The following MYO7B variants were observed in gnomAD, a reference collection of about 807,000 sequenced individuals.
MYO7B encodes myosin VIIB.
MYO7B carries 212 observed loss-of-function variants against 259.7 expected under a neutral mutation model. That is an observed-to-expected ratio of 0.82 (90% confidence interval 0.73 to 0.91). The LOEUF (loss-of-function observed/expected upper bound fraction) is 0.91, where lower values mean the gene tolerates loss of function less well. Among genes scored for constraint, MYO7B ranks in the 40% least tolerant of loss-of-function variants. The pLI is 0.00. For synonymous variants in MYO7B, 1,197 were observed against 1,166.4 expected (o/e 1.03, Z -0.54); for missense variants, 2,732 against 2,813.5 (o/e 0.97, Z 0.66).
Position 127,634,615 on chromosome 2 carries a change from G to A in MYO7B, c.5645G>A (p.Gly1882Glu). Residue 1882 changes from glycine (G) to glutamate (E), a missense_variant, in exon 42 of 48, where the codon GGA becomes GAA. Physicochemically the swap from Gly to Glu is moderately conservative, Grantham distance 98 (BLOSUM62 -2). This residue lies in a region of MYO7B where 821 missense variants were observed against 769.3 expected (regional missense o/e 1.07). Coordinates refer to ENST00000409816, the MANE Select transcript of MYO7B (RefSeq NM_001393586.1). ...ISDKVISQKE[G>E]DFFFDSLREV... is the part of the protein sequence containing the mutation. ...CCCCAGGTCATCAGCCAGAAGGAGG[G>A]AGACTTCTTCTTTGATTCCTTGAGG... is the stretch of plus-strand genomic sequence containing the variant. The A allele has an allele frequency of 5.0e-6, 8 of 1,612,686 alleles. No homozygotes were observed. Among genetic ancestry groups the A allele is most frequent in the Non-Finnish European group, 6.8e-6 (8 of 1,179,370 alleles).
In MYO7B at chr2:127,627,864, G is replaced by A. The variant is rs1047772716; in HGVS notation, c.4461-508G>A. 2.2e-6 allele frequency: 1 copy of A among 458,284 alleles called. No homozygotes were observed. The highest frequency in any genetic ancestry group is 4.4e-6 in the Non-Finnish European group (1 of 228,170). 28.4% of individuals were successfully genotyped at this position (458,284 alleles called of 1,614,324 possible). On this transcript the variant is annotated intron_variant, in intron 33 of 47. Coordinates refer to ENST00000409816, the MANE Select transcript of MYO7B (RefSeq NM_001393586.1). This position sits in a 1 kb window ranked among gnomAD's most constrained non-coding sequence, Gnocchi z 5.6. ...CTTGGTTGAAGCACACAACAGAGTG[G>A]CACATGCATCTCTGGGCTGTGCCAG...
chr2:127,536,940 C>T lies in MYO7B; in HGVS notation c.-24+1109C>T, dbSNP rs759921829. ...GCCTGCTGCATCCACAGCTCTAGCA[C>T]GGGGCTCTGTGGAGAGGCGGCACCA... On this transcript the variant is annotated intron_variant, in intron 1 of 47. Transcript: ENST00000409816. 5.3e-5 allele frequency among the ~76,000 whole-genome samples: 8 copies of T among 152,176 alleles called. No individual in the cohort carries two copies. The South Asian group carries it at 8.3e-4, about 16-fold the overall frequency.
At chr2:127,568,118 G>A (rs943824380) in intron 5 of MYO7B, among the ~76,000 whole-genome samples, 1 of 152,248 alleles carries the variant, frequency 6.6e-6, no homozygotes, top group Admixed American at 6.5e-5. Flanking sequence ...GTACACAGCA[G>A]TGAAGTGGGA....
At position 127,631,739 on chromosome 2, in the gene MYO7B, G is replaced by A. The variant is rs1366576020; in HGVS notation, c.5235G>A (p.Thr1745=). The stretch of plus-strand genomic sequence containing the variant: ...ACTGCCAGATCCTGAAGCAGCTGAC[G>A]CACAACTCCAACAGGTCTGCTGGGG... ...EVYCQILKQL[T]HNSNRHSEER... is the part of the protein sequence containing the mutation. The change falls in exon 38 of 48, where the codon ACG becomes ACA. Residue 1745 remains threonine, a synonymous_variant. Transcript: ENST00000409816. The A allele has an allele frequency of 1.5e-5, 24 of 1,612,416 alleles. 1 individual carries two copies. Among genetic ancestry groups the A allele is most frequent in the South Asian group, 1.3e-4 (12 of 91,058 alleles).
rs1023686479 is a variant in MYO7B at position 127,585,828 on chromosome 2, T to C, written c.1690+915T>C. Among the ~76,000 whole-genome samples the C allele has an allele frequency of 2.0e-5, 3 of 152,246 alleles. No homozygotes were observed. Among genetic ancestry groups the C allele is most frequent in the African/African-American group, 7.2e-5 (3 of 41,458 alleles). On this transcript the variant is annotated intron_variant, in intron 14 of 47. Transcript: ENST00000409816. This position sits in a 1 kb window ranked among gnomAD's most constrained non-coding sequence, Gnocchi z 4.3. Reference sequence around the variant, plus strand: ...ATCTGCATCCCCCGATGGCTAATGATGTTGATCGCCTTTTCATATGCTTCT... The same window carrying C: ...ATCTGCATCCCCCGATGGCTAATGACGTTGATCGCCTTTTCATATGCTTCT...
chr2:127,558,654 T>C (rs925088980), intron 1 of MYO7B, among the ~76,000 whole-genome samples: 1 of 152,148 alleles, frequency 6.6e-6, no homozygotes. Flanking sequence ...ATCATATATA[T>C]AGAGATATAG....
intron 12 of MYO7B, among the ~76,000 whole-genome samples, 187 bp from the exon 13 acceptor site, chr2:127,583,935 G>T (rs1371525014): frequency 7.2e-6 from 1 of 139,382 alleles, no homozygotes; most frequent in Non-Finnish European, 1.6e-5. Flanking sequence ...TGACAGTGAT[G>T]GAGGCAGACA....
chr2:127,536,478 G>T lies in MYO7B; in HGVS notation c.-24+647G>T, dbSNP rs1174875993. ...GGTCTGGGGTGTGGTGGGGGGGGGGGTGGGGGAAGAGGTGGCTGAGGAGAG... is the reference window on the plus strand; with the variant it reads ...GGTCTGGGGTGTGGTGGGGGGGGGGTTGGGGGAAGAGGTGGCTGAGGAGAG... On this transcript the variant is annotated intron_variant, in intron 1 of 47. Coordinates refer to ENST00000409816, the MANE Select transcript of MYO7B (RefSeq NM_001393586.1). 8.9e-5 allele frequency among the ~76,000 whole-genome samples: 7 copies of T among 78,870 alleles called. No individual in the cohort carries two copies. The East Asian group carries it at 1.5e-3, about 17-fold the overall frequency. 51.7% of individuals were successfully genotyped at this position (78,870 alleles called of 152,430 possible).
In MYO7B at chr2:127,584,858, C is replaced by T. The variant is rs778790768; in HGVS notation, c.1635C>T (p.His545=). The stretch of plus-strand genomic sequence containing the variant: ...CCTTCCTACAGCCCAAGAACATCCA[C>T]GATGCCAGATTTGGCATTGCCCATT... ...NKAFLQPKNI[H]DARFGIAHFA... is the part of the protein sequence containing the mutation. Residue 545 remains histidine (H), a synonymous_variant, in exon 14 of 48, where the codon CAC becomes CAT. Transcript: ENST00000409816. This position sits in a 1 kb window ranked among gnomAD's most constrained non-coding sequence, Gnocchi z 5.8. The T allele has an allele frequency of 7.4e-6, 12 of 1,613,970 alleles. No homozygotes were observed. Among genetic ancestry groups the T allele is most frequent in the Admixed American group, 5.0e-5 (3 of 60,012 alleles).
At chr2:127,549,619 G>A (rs188964346) in intron 1 of MYO7B, among the ~76,000 whole-genome samples, 2 of 152,324 alleles carry the variant, frequency 1.3e-5, no homozygotes, top group African/African-American at 4.8e-5. Flanking sequence ...AGGGGCAGAA[G>A]CAGGTTTGGG....
intron 9 of MYO7B, 23 bp downstream of exon 9, chr2:127,578,309 T>G (rs1395358648): frequency 3.7e-6 from 6 of 1,612,886 alleles, no homozygotes; most frequent in Non-Finnish European, 5.1e-6. Flanking sequence ...CTGCCCCAAC[T>G]GCACCCTTGG....
At chr2:127,542,478 A>C (rs936170465) in intron 1 of MYO7B, among the ~76,000 whole-genome samples, 1 of 152,156 alleles carries the variant, frequency 6.6e-6, no homozygotes, top group Admixed American at 6.5e-5. Flanking sequence ...GGCTGTGCAG[A>C]TGGTCATCAC....
intron 1 of MYO7B, among the ~76,000 whole-genome samples, chr2:127,545,507 G>C (rs1693192903): frequency 6.6e-6 from 1 of 152,220 alleles, no homozygotes; most frequent in African/African-American, 2.4e-5. Context: ...AACTCTCTGA[G>C]AGACAAGTCG....
intron 39 of MYO7B, 59 bp downstream of exon 39, chr2:127,632,460 G>A: frequency 6.7e-7 from 1 of 1,487,072 alleles, no homozygotes; most frequent in Middle Eastern, 1.9e-4. Context: ...CTGGGATGCT[G>A]TGGGGCCTGG....
intron 18 of MYO7B, among the ~76,000 whole-genome samples, chr2:127,595,374 T>C (rs1257843159): frequency 6.6e-6 from 1 of 152,194 alleles, no homozygotes; most frequent in Non-Finnish European, 1.5e-5. Flanking sequence ...TCTTTTTTAG[T>C]CTAGGTAGTG....
chr2:127,566,340 T>C (rs1335177055), intron 4 of MYO7B, among the ~76,000 whole-genome samples: 1 of 152,224 alleles, frequency 6.6e-6, no homozygotes, highest in Non-Finnish European at 1.5e-5. Flanking sequence ...ATTTCATACT[T>C]AGTCCATTTT....
Position 127,575,618 on chromosome 2 carries a change from A to G in MYO7B, c.736-977A>G, listed in dbSNP as rs180989700. On this transcript the variant is annotated intron_variant, in intron 7 of 47. Coordinates refer to ENST00000409816, the MANE Select transcript of MYO7B (RefSeq NM_001393586.1). Reference sequence around the variant, plus strand: ...AGAGATAACTATTTATAGATATACTATAAGTAAATGTTTTTTTAAAAACAT... The same window carrying G: ...AGAGATAACTATTTATAGATATACTGTAAGTAAATGTTTTTTTAAAAACAT... Among the ~76,000 whole-genome samples the G allele has an allele frequency of 1.2e-3, 181 of 152,322 alleles. 3 individuals carry two copies. The highest frequency in any genetic ancestry group is 0.01 in the Admixed American group (154 of 15,308).
At chr2:127,625,634 C>G (rs1193307345) in intron 31 of MYO7B, 99 bp downstream of exon 31, 3 of 1,276,906 alleles carry the variant, frequency 2.3e-6, no homozygotes, top group Non-Finnish European at 2.0e-6. Context: ...TCCCCACAAC[C>G]CCCACCCCCT....
At chr2:127,620,561 A>C (rs2245727) in intron 27 of MYO7B, 95 bp downstream of exon 27, 485,250 of 1,330,250 alleles carry the variant, frequency 0.36, 90,935 homozygotes, top group South Asian at 0.54. Flanking sequence ...AGATTCCAGT[A>C]CGTGGCCCAT....
Sources: gnomAD v4.1 joint callset for allele counts (sites outside exome capture counted in the v4.1 genomes callset) on GRCh38, gnomAD v4.1.1 for gene constraint, gnomAD v4.1.1 regional missense constraint, Gnocchi (gnomAD v3.1) non-coding constraint, MANE v1.5 for transcripts, NCBI Gene and HGNC (gene_info 2026-07-23, HGNC 2026-07-21) for gene names.